SRL: variants seen among roughly 807,000 people sequenced by gnomAD.
SRL encodes sarcalumenin.
A neutral mutation model predicts 39.5 loss-of-function variants in SRL; 23 were observed. The observed-to-expected ratio is 0.58, with a 90% CI of 0.42 to 0.82. SRL has a LOEUF of 0.82. Among genes scored for constraint, SRL ranks in the 40% least tolerant of loss-of-function variants. The probability of loss-of-function intolerance (pLI) is 0.00; values close to 1 mark genes in which losing one functional copy is unlikely to be tolerated. For synonymous variants in SRL, 272 were observed against 237.4 expected (o/e 1.15, Z -1.34); for missense variants, 592 against 607.8 (o/e 0.97, Z 0.27).
At position 4,204,596 on chromosome 16, in the gene SRL, C is replaced by T. The variant is rs200417167; in HGVS notation, c.100G>A (p.Asp34Asn). The change falls in exon 2 of 6, where the codon GAC (aspartate) becomes AAC (asparagine). Residue 34 changes from aspartate (D) to asparagine (N), a missense_variant. Coordinates refer to ENST00000399609, the MANE Select transcript of SRL (RefSeq NM_001098814.2). ...AGGGTCTTCTCGATGTGGGAGCGGT[C>T]CCTCAATGGGGCTTCTTCATTTGCA... is the stretch of plus-strand genomic sequence containing the variant. ...EDANEEAPLRDRSHIEKTLML... is the reference protein window; with the variant it reads ...EDANEEAPLRNRSHIEKTLML... 1.2e-6 allele frequency: 2 copies of T among 1,614,174 alleles called. No individual in the cohort carries two copies. The highest frequency in any genetic ancestry group is 1.7e-6 in the Non-Finnish European group (2 of 1,180,038).
intron 1 of SRL, among the ~76,000 whole-genome samples, chr16:4,223,636 T>C (rs976051784): frequency 2.0e-5 from 3 of 151,928 alleles, no homozygotes; most frequent in African/African-American, 7.3e-5. Context: ...TCCTCCCACC[T>C]GGGCCTCCCA....
intron 1 of SRL, among the ~76,000 whole-genome samples, chr16:4,233,170 A>C (rs984709416): frequency 6.6e-6 from 1 of 152,208 alleles, no homozygotes; most frequent in African/African-American, 2.4e-5. Flanking sequence ...GTTCTTCCCA[A>C]CTGGCCCCAA....
At chr16:4,219,601 G>T (rs545225912) in intron 1 of SRL, among the ~76,000 whole-genome samples, 1 of 152,142 alleles carries the variant, frequency 6.6e-6, no homozygotes, top group African/African-American at 2.4e-5. Flanking sequence ...GGGACTACAG[G>T]TGCATGCCAC....
intron 1 of SRL, among the ~76,000 whole-genome samples, chr16:4,212,467 G>C (rs754877144): frequency 6.6e-6 from 1 of 152,134 alleles, no homozygotes; most frequent in Non-Finnish European, 1.5e-5. Flanking sequence ...ATCAAGGCTG[G>C]TGTCTTTCCC....
At chr16:4,219,373 T>C (rs1022683909) in intron 1 of SRL, among the ~76,000 whole-genome samples, 4 of 152,254 alleles carry the variant, frequency 2.6e-5, no homozygotes, top group African/African-American at 9.6e-5. Context: ...TCTGTCCCCC[T>C]ATTGTTCCTA....
chr16:4,207,367 G>C (rs1455076267), intron 1 of SRL: 1 of 456,714 alleles, frequency 2.2e-6, no homozygotes, highest in South Asian at 1.5e-5. Context: ...GGCTCCCCCT[G>C]GTCCTCGGTG....
chr16:4,216,672 C>A (rs1460676489), intron 1 of SRL, among the ~76,000 whole-genome samples: 10 of 152,200 alleles, frequency 6.6e-5, no homozygotes, highest in Non-Finnish European at 1.0e-4. Context: ...CTATAGAGCA[C>A]TCAGTTTTTC....
intron 1 of SRL, chr16:4,206,846 G>A (rs1240272058): frequency 2.2e-6 from 1 of 456,652 alleles, no homozygotes; most frequent in African/African-American, 2.0e-5. Context: ...GGCCAGGCTG[G>A]GCCCCTCTGT....
At chr16:4,199,509 C>T (rs112376164) in intron 3 of SRL, among the ~76,000 whole-genome samples, 17,484 of 150,618 alleles carry the variant, frequency 0.12, 3,252 homozygotes, top group African/African-American at 0.4. Flanking sequence ...TAGCTGAGAC[C>T]ACAGGCATGT....
At chr16:4,200,949 A>G (rs1259391408) in intron 3 of SRL, among the ~76,000 whole-genome samples, 2 of 152,224 alleles carry the variant, frequency 1.3e-5, no homozygotes, top group African/African-American at 4.8e-5. Context: ...ATCTCATTCA[A>G]AAAACAATAA....
At chr16:4,205,852 C>G (rs929983914) in intron 1 of SRL, among the ~76,000 whole-genome samples, 1 of 151,642 alleles carries the variant, frequency 6.6e-6, no homozygotes, top group Non-Finnish European at 1.5e-5. Flanking sequence ...GTGGGAGGAT[C>G]GCTTGAGCAC....
chr16:4,242,043 A>C lies in SRL; in HGVS notation c.25T>G (p.Cys9Gly). Residue 9 changes from cysteine (C) to glycine (G), a missense_variant, in exon 1 of 6, where the codon TGC becomes GGC. Coordinates refer to ENST00000399609, the MANE Select transcript of SRL (RefSeq NM_001098814.2). MRALVLLG[C>G]LLASLLFSGQ... Reference sequence around the variant, plus strand: ...GAGAACAGGAGCGAGGCCAGGAGGCAGCCGAGCAGGACCAGCGCCCTCATG... The same window carrying C: ...GAGAACAGGAGCGAGGCCAGGAGGCCGCCGAGCAGGACCAGCGCCCTCATG... 6.2e-7 allele frequency: 1 copy of C among 1,613,132 alleles called. No homozygotes were observed. The highest frequency in any genetic ancestry group is 1.1e-5 in the South Asian group (1 of 90,930).
chr16:4,206,300 G>C (rs1346396144), intron 1 of SRL, among the ~76,000 whole-genome samples: 2 of 152,180 alleles, frequency 1.3e-5, no homozygotes, highest in South Asian at 2.1e-4. Context: ...CTACAGCCTA[G>C]TCTTCAAGGG....
intron 1 of SRL, among the ~76,000 whole-genome samples, chr16:4,221,777 C>T (rs533180442): frequency 1.3e-5 from 2 of 152,354 alleles, no homozygotes; most frequent in Admixed American, 1.3e-4. Context: ...GGGCCACCTC[C>T]TCTGAAACCC....
chr16:4,238,130 C>T lies in SRL; in HGVS notation c.61+3877G>A, dbSNP rs374893986. Among the ~76,000 whole-genome samples the T allele has an allele frequency of 5.3e-5, 8 of 152,292 alleles. No individual in the cohort carries two copies. In the South Asian group the frequency reaches 6.2e-4, roughly 12 times the overall value. On this transcript the variant is annotated intron_variant, in intron 1 of 5. Coordinates refer to ENST00000399609, the MANE Select transcript of SRL (RefSeq NM_001098814.2). ...TGTTTGAATGACAGGGTTGCACATA[C>T]GAGCGATGTTTACAGGTAAGGACTT... is the stretch of plus-strand genomic sequence containing the variant.
At chr16:4,195,300 A>C (rs1339041766) in intron 5 of SRL, among the ~76,000 whole-genome samples, 2 of 152,124 alleles carry the variant, frequency 1.3e-5, no homozygotes, top group Non-Finnish European at 2.9e-5. Context: ...CAGCTCAAGC[A>C]ATCTTCCCAC....
At chr16:4,199,620 C>T (rs1226859792) in intron 3 of SRL, among the ~76,000 whole-genome samples, 2 of 151,386 alleles carry the variant, frequency 1.3e-5, no homozygotes, top group East Asian at 1.9e-4. Context: ...ATCCACCCAC[C>T]TTGGCCTCCC....
chr16:4,224,635 C>T (rs2052567056), intron 1 of SRL, among the ~76,000 whole-genome samples: 1 of 151,794 alleles, frequency 6.6e-6, no homozygotes, highest in African/African-American at 2.4e-5. Context: ...GGCTTGAGCC[C>T]AGGAGACGGA....
At chr16:4,204,276 TTGGA>T (rs1296386652) in intron 2 of SRL, among the ~76,000 whole-genome samples, 1 of 152,146 alleles carries the variant, frequency 6.6e-6, no homozygotes, top group Non-Finnish European at 1.5e-5. Context: ...GGCCGTCTAC[TTGGA>T]TGGCCCTTCC....
Sources: gnomAD v4.1 joint callset for allele counts (sites outside exome capture counted in the v4.1 genomes callset) on GRCh38, gnomAD v4.1.1 for gene constraint, MANE v1.5 for transcripts, NCBI Gene and HGNC (gene_info 2026-07-23, HGNC 2026-07-21) for gene names.